Variants in ZFHX3 observed in about 807,000 individuals in gnomAD.
ZFHX3 encodes the protein zinc finger homeobox protein 3.
ZFHX3 carries 42 observed loss-of-function variants against 279.1 expected under a neutral mutation model. That is an observed-to-expected ratio of 0.15 (90% CI 0.12 to 0.19). The LOEUF (loss-of-function observed/expected upper bound fraction) is 0.19. Among genes scored for constraint, ZFHX3 ranks in the 10% least tolerant of loss-of-function variants. The pLI is 1.00. For synonymous variants in ZFHX3, 2,293 were observed against 1,957.8 expected, an observed-to-expected ratio of 1.17 and a Z score of -4.52; for missense variants, 4,981 against 4,754.0, an observed-to-expected ratio of 1.05 and a Z score of -1.40.
At chr16:73,798,581 A>G (rs1054503998) in intron 1 of ZFHX3, among the ~76,000 whole-genome samples, 4 of 126,520 alleles carry the variant, frequency 3.2e-5, no homozygotes, top group African/African-American at 1.4e-4. Flanking sequence ...GCACACACAC[A>G]GACACACACA....
chr16:73,772,448 G>A (rs2054029009), intron 1 of ZFHX3, among the ~76,000 whole-genome samples: 1 of 152,208 alleles, frequency 6.6e-6, no homozygotes, highest in African/African-American at 2.4e-5. Context: ...CTGCCCCCAT[G>A]ATTCAGTTAC....
In ZFHX3 at chr16:73,168,210, G is replaced by GTTTTCT. The variant is rs1555502331; in HGVS notation, c.-1103-24385_-1103-24380dup. Among the ~76,000 whole-genome samples, 316 of 90,856 alleles carry GTTTTCT rather than the reference G, an allele frequency of 3.5e-3. 5 individuals carry two copies. Among genetic ancestry groups the GTTTTCT allele is most frequent in the African/African-American group, 0.013 (303 of 23,704 alleles). 59.6% of individuals were successfully genotyped at this position (90,856 alleles called of 152,430 possible). On this transcript the variant is annotated intron_variant, in intron 5 of 17. Transcript: ENST00000641206. ...GCCTTTTAACACTATAGTTTCTTTT[G>GTTTTCT]TTTTCTTTCTTTCTTTCTTTCTTTC...
chr16:72,858,823 C>A (rs79895410), intron 4 of ZFHX3, among the ~76,000 whole-genome samples: 2 of 152,232 alleles, frequency 1.3e-5, no homozygotes, highest in African/African-American at 4.8e-5. Context: ...GAGCCCCAGG[C>A]CCTGCAGCGG....
intron 3 of ZFHX3, among the ~76,000 whole-genome samples, chr16:72,911,894 G>A (rs2039327884): frequency 6.6e-6 from 1 of 152,152 alleles, no homozygotes; most frequent in African/African-American, 2.4e-5. Flanking sequence ...TGCGGGAGAC[G>A]TCACACTGCC....
intron 7 of ZFHX3, among the ~76,000 whole-genome samples, chr16:73,107,684 G>A (rs1364231238): frequency 1.3e-5 from 2 of 152,148 alleles, no homozygotes; most frequent in Non-Finnish European, 2.9e-5. Flanking sequence ...CGCGTATTTG[G>A]TTTGGAACCC....
chr16:73,260,959 C>T (rs1344254047), intron 4 of ZFHX3, among the ~76,000 whole-genome samples: 1 of 152,172 alleles, frequency 6.6e-6, no homozygotes, highest in Non-Finnish European at 1.5e-5. Flanking sequence ...GCTGGGATTA[C>T]AGGCATGAGC....
At chr16:73,738,424 T>C (rs923016204) in intron 1 of ZFHX3, among the ~76,000 whole-genome samples, 1 of 150,728 alleles carries the variant, frequency 6.6e-6, no homozygotes, top group African/African-American at 2.5e-5. Context: ...GCCACAGACA[T>C]AGCCAAATTA....
intron 5 of ZFHX3, among the ~76,000 whole-genome samples, chr16:73,224,345 T>C (rs1050352993): frequency 1.3e-5 from 2 of 152,224 alleles, no homozygotes; most frequent in Admixed American, 1.3e-4. Flanking sequence ...TGCTCGAAAG[T>C]GTATTACAAA....
chr16:73,619,300 A>G (rs2052334402), intron 2 of ZFHX3, among the ~76,000 whole-genome samples: 1 of 151,772 alleles, frequency 6.6e-6, no homozygotes, highest in African/African-American at 2.4e-5. Flanking sequence ...CATCCTGGCT[A>G]ACACGGTGAA....
chr16:73,562,179 G>C (rs1445813821), intron 2 of ZFHX3, among the ~76,000 whole-genome samples: 2 of 152,148 alleles, frequency 1.3e-5, no homozygotes, highest in African/African-American at 2.4e-5. Flanking sequence ...CCTAGGTTCT[G>C]CCAAGATAGC....
At chr16:73,336,839 G>C (rs937804945) in intron 3 of ZFHX3, among the ~76,000 whole-genome samples, 4 of 152,078 alleles carry the variant, frequency 2.6e-5, no homozygotes, top group African/African-American at 9.7e-5. Context: ...TCAACCCTTA[G>C]CCAAGTTTAA....
intron 2 of ZFHX3, among the ~76,000 whole-genome samples, chr16:73,619,990 A>G (rs2052342360): frequency 6.6e-6 from 1 of 152,110 alleles, no homozygotes; most frequent in Admixed American, 6.5e-5. Flanking sequence ...GGCTCTCACT[A>G]TGTTGCCCAG....
chr16:73,622,361 A>G (rs1184300514), intron 2 of ZFHX3, among the ~76,000 whole-genome samples: 1 of 152,150 alleles, frequency 6.6e-6, no homozygotes, highest in African/African-American at 2.4e-5. Flanking sequence ...GATCGAGACC[A>G]TCCTGGCTAA....
intron 2 of ZFHX3, among the ~76,000 whole-genome samples, chr16:73,473,358 C>CAAAAAAAA (rs1300049292): frequency 2.3e-5 from 1 of 43,158 alleles, no homozygotes; most frequent in African/African-American, 7.9e-5. Context: ...AAAAAAAAAA[C>CAAAAAAAA]AAAAAAAAAA....
intron 1 of ZFHX3, among the ~76,000 whole-genome samples, chr16:73,727,291 A>C (rs972634520): frequency 1.3e-5 from 2 of 152,134 alleles, no homozygotes; most frequent in African/African-American, 2.4e-5. Context: ...CATACTGGGG[A>C]CCCTCTCCTT....
chr16:73,058,561 C>A, exon 1 of ZFHX3: 1 of 204,352 alleles, frequency 4.9e-6, no homozygotes, highest in Non-Finnish European at 9.5e-6. Flanking sequence ...GCGGCTGCAG[C>A]GGCGCTGCTG....
rs114552191 is a variant in ZFHX3 at position 73,766,161 on chromosome 16, A to G, written c.-1607-85921T>C. Among the ~76,000 whole-genome samples, 269 of 152,314 alleles carry G rather than the reference A, an allele frequency of 1.8e-3. 3 individuals carry two copies. The highest frequency in any genetic ancestry group is 6.2e-3 in the African/African-American group (257 of 41,570). On this transcript the variant is annotated intron_variant, in intron 1 of 17. Coordinates refer to the ZFHX3 transcript ENST00000641206. ...AAGCATTCTGTTCCAATGTCACTTT[A>G]GTCCCTCATAGTGACAGCGTGCATA...
At chr16:73,811,438 C>CTTTT (rs34134056) in intron 1 of ZFHX3, among the ~76,000 whole-genome samples, 160 of 106,516 alleles carry the variant, frequency 1.5e-3, no homozygotes, top group African/African-American at 2.2e-3. Flanking sequence ...TCAGTCTCTT[C>CTTTT]TTTTTTTTTT....
chr16:73,229,506 T>C (rs115957144), intron 5 of ZFHX3, among the ~76,000 whole-genome samples: 1 of 152,194 alleles, frequency 6.6e-6, no homozygotes, highest in African/African-American at 2.4e-5. Flanking sequence ...AGGGTTAATA[T>C]GTTTTATGAT....
Sources: gnomAD v4.1 joint callset for allele counts (sites outside exome capture counted in the v4.1 genomes callset) on GRCh38, gnomAD v4.1.1 for gene constraint, MANE v1.5 for transcripts, NCBI Gene and HGNC (gene_info 2026-07-23, HGNC 2026-07-21) for gene names.